OAS3: variants seen among roughly 807,000 people sequenced by gnomAD.
OAS3 encodes 2'-5'-oligoadenylate synthetase 3.
OAS3 carries 107 observed loss-of-function variants against 113.0 expected under a neutral mutation model. The observed-to-expected ratio is 0.95, with a 90% CI of 0.81 to 1.11. OAS3 has a LOEUF of 1.11. Among genes scored for constraint, OAS3 ranks in the 50% most tolerant of loss-of-function variants. The pLI, the probability that OAS3 is intolerant of heterozygous loss-of-function variation, is 0.00. For synonymous variants in OAS3, 552 were observed against 573.6 expected (o/e 0.96, Z 0.54); for missense variants, 1,258 against 1,389.1 (o/e 0.91, Z 1.50).
Position 112,971,705 on chromosome 12 carries a change from A to G in OAS3, c.*1732A>G, listed in dbSNP as rs573896401. ...GGAAGAGCCTTCCCTCATTATTGTCATTCTTGGAGAGAGGTGAGCAACCAA... is the reference window on the plus strand; with the variant it reads ...GGAAGAGCCTTCCCTCATTATTGTCGTTCTTGGAGAGAGGTGAGCAACCAA... On this transcript the variant is annotated 3_prime_UTR_variant, in exon 16 of 16. Coordinates refer to ENST00000228928, the MANE Select transcript of OAS3 (RefSeq NM_006187.4). The G allele has an allele frequency of 1.3e-5, 2 of 152,334 alleles. No homozygotes were observed. The highest frequency in any genetic ancestry group is 4.1e-4 in the South Asian group (2 of 4,832). 9.4% of individuals were successfully genotyped at this position (152,334 alleles called of 1,614,324 possible). A position where few individuals can be genotyped will look rare whatever the true frequency, so the allele number is the denominator to read the frequency against.
At chr12:112,950,627 T>C (rs753576462) in intron 6 of OAS3, 66 bp from the exon 7 acceptor site, 13 of 1,566,132 alleles carry the variant, frequency 8.3e-6, no homozygotes, top group Admixed American at 3.5e-5. Flanking sequence ...GCGCAGGTGA[T>C]GGGATCGTAG....
rs370255768 is a variant in OAS3 at position 112,938,630 on chromosome 12, G to T, written c.100G>T (p.Gly34Cys). 1.2e-6 allele frequency: 2 copies of T among 1,607,420 alleles called. No individual in the cohort carries two copies. Among genetic ancestry groups the T allele is most frequent in the East Asian group, 2.2e-5 (1 of 44,670 alleles). ...CGTAGAGAAGGCGCGGCGCGCTCTG[G>T]GCGCCCTGGCCGCTGCCCTGAGGGA... ...EFVEKARRAL[G>C]ALAAALRERG... The change falls in exon 1 of 16, where the codon GGC becomes TGC. Residue 34 changes from glycine to cysteine, a missense_variant. Coordinates refer to ENST00000228928, the MANE Select transcript of OAS3 (RefSeq NM_006187.4).
chr12:112,970,044 G>A lies in OAS3; in HGVS notation c.*71G>A. On this transcript the variant is annotated 3_prime_UTR_variant, in exon 16 of 16. Coordinates refer to ENST00000228928, the MANE Select transcript of OAS3 (RefSeq NM_006187.4). ...CCAGCCCTCAGCATGAGGAAATTCA[G>A]GGTCCCCTACCAGATGAGAGAGATT... is the stretch of plus-strand genomic sequence containing the variant. The A allele has an allele frequency of 1.9e-6, 3 of 1,555,434 alleles. No individual in the cohort carries two copies. Among genetic ancestry groups the A allele is most frequent in the Non-Finnish European group, 2.6e-6 (3 of 1,139,450 alleles).
At chr12:112,946,081 G>A (rs1205387768) in intron 3 of OAS3, among the ~76,000 whole-genome samples, 1 of 152,140 alleles carries the variant, frequency 6.6e-6, no homozygotes, top group Non-Finnish European at 1.5e-5. Context: ...GTACACATGT[G>A]CACCCACGCA....
intron 10 of OAS3, 50 bp from the exon 11 acceptor site, chr12:112,964,185 A>T (rs775586306): frequency 3.9e-6 from 6 of 1,535,130 alleles, no homozygotes; most frequent in African/African-American, 1.4e-5. Context: ...GGCTTGGGTG[A>T]GCACTGGGAG....
rs756128465 is a variant in OAS3, at chr12:112,950,704, TGGCCGG to T, written c.1390_1395del (p.Arg464_Gly465del). The T allele has an allele frequency of 5.2e-5, 84 of 1,613,904 alleles. No homozygotes were observed. The highest frequency in any genetic ancestry group is 3.1e-4 in the African/African-American group (23 of 74,946). ...TCTTCCCTCCACAGGGGGGCTCATT[TGGCCGG>T]GGCACAGACCTAAGGGATGGCTGTG... On this transcript the variant is annotated inframe_deletion, in exon 7 of 16. Coordinates refer to ENST00000228928, the MANE Select transcript of OAS3 (RefSeq NM_006187.4).
rs1414544825 is a variant in OAS3, at chr12:112,972,710, A to C, written c.*2737A>C. The stretch of plus-strand genomic sequence containing the variant: ...GCTCTTTCCAAGACTCTGGGGAAAA[A>C]AGTAGTAAAAAGCTAAATGCAATCA... On this transcript the variant is annotated 3_prime_UTR_variant, in exon 16 of 16. Coordinates refer to ENST00000228928, the MANE Select transcript of OAS3 (RefSeq NM_006187.4). The C allele has an allele frequency of 6.6e-6, 1 of 152,190 alleles. No homozygotes were observed. Among genetic ancestry groups the C allele is most frequent in the Non-Finnish European group, 1.5e-5 (1 of 68,030 alleles). The allele number at this position is 152,190 out of a possible 1,614,324, so 9.4% of individuals were successfully genotyped here.
In OAS3 at chr12:112,949,037, G is replaced by A. The variant is rs781020247; in HGVS notation, c.1206G>A (p.Pro402=). The part of the protein sequence containing the change: ...TGAASIVPSV[P]GMALDLSQIP... The stretch of plus-strand genomic sequence containing the variant: ...CAGCCAGCATCGTCCCCTCTGTGCC[G>A]GGAATGGCCTTGGACCTGTCTCAGA... The change falls in exon 6 of 16, where the codon CCG becomes CCA. Residue 402 remains proline (P), a synonymous_variant. Transcript: ENST00000228928. The A allele has an allele frequency of 3.4e-5, 55 of 1,613,878 alleles. No individual in the cohort carries two copies. Among genetic ancestry groups the A allele is most frequent in the South Asian group, 1.3e-4 (12 of 91,088 alleles).
At position 112,949,169 on chromosome 12, in the gene OAS3, T is replaced by C. The variant is rs1488779142; in HGVS notation, c.1338T>C (p.His446=). The C allele has an allele frequency of 6.2e-7, 1 of 1,613,104 alleles. No individual in the cohort carries two copies. The highest frequency in any genetic ancestry group is 1.7e-5 in the Admixed American group (1 of 59,988). ...KAIDIILRCL[H]ENCVHKASRV... ...TTGACATCATCTTGCGCTGCCTCCA[T>C]GAGAACTGTGTTCACAAGGCCTCAA... Residue 446 remains histidine, a synonymous_variant, in exon 6 of 16, where the codon CAT becomes CAC. Transcript: ENST00000228928.
chr12:112,956,043 C>T (rs1230430755), intron 7 of OAS3, among the ~76,000 whole-genome samples: 1 of 152,158 alleles, frequency 6.6e-6, no homozygotes, highest in African/African-American at 2.4e-5. Context: ...AGGGATTCAA[C>T]TTCTTCCTGG....
chr12:112,952,885 C>A (rs930429732), intron 7 of OAS3, among the ~76,000 whole-genome samples: 4 of 152,102 alleles, frequency 2.6e-5, no homozygotes, highest in African/African-American at 9.7e-5. Flanking sequence ...TTTGTTTGTT[C>A]ATTTTCTTTT....
intron 7 of OAS3, among the ~76,000 whole-genome samples, chr12:112,953,144 C>A (rs920278089): frequency 2.0e-5 from 3 of 151,592 alleles, no homozygotes; most frequent in East Asian, 3.9e-4. Flanking sequence ...CCACTCCCCC[C>A]ACCCCACGAC....
At chr12:112,964,151 T>A in intron 10 of OAS3, 84 bp from the exon 11 acceptor site, 4 of 1,375,152 alleles carry the variant, frequency 2.9e-6, no homozygotes, top group East Asian at 5.0e-5. Flanking sequence ...GGGAGTCTTG[T>A]CCTCAGAGGA....
rs2136359641 is a variant in OAS3 at position 112,964,414 on chromosome 12, T to C, written c.2403+6T>C. The stretch of plus-strand genomic sequence containing the variant: ...AAGTGATCAAGGTGGTCAAGGTGAG[T>C]CCTCAGAGAGCTGTAGGCAAGCAGT... On this transcript the variant is annotated splice_donor_region_variant and intron_variant, in intron 11 of 15. Coordinates refer to ENST00000228928, the MANE Select transcript of OAS3 (RefSeq NM_006187.4). The C allele has an allele frequency of 6.2e-7, 1 of 1,609,288 alleles. No individual in the cohort carries two copies. The highest frequency in any genetic ancestry group is 8.5e-7 in the Non-Finnish European group (1 of 1,177,848).
chr12:112,957,947 A>T (rs2136354878), intron 7 of OAS3, among the ~76,000 whole-genome samples: 1 of 152,238 alleles, frequency 6.6e-6, no homozygotes, highest in East Asian at 1.9e-4. Context: ...ACTTGGTTCC[A>T]TTCTCCCTGT....
Position 112,963,834 on chromosome 12 carries a change from A to G in OAS3, c.2229+377A>G, listed in dbSNP as rs1248873766. Among the ~76,000 whole-genome samples, 1 of 152,074 alleles carries G rather than the reference A, an allele frequency of 6.6e-6. No homozygotes were observed. ...CACTTCTCCTCCAAGCACTGCCCCA[A>G]TTAATCATATGCACAAGAATTCCTG... is the stretch of plus-strand genomic sequence containing the variant. On this transcript the variant is annotated intron_variant, in intron 10 of 15. Coordinates refer to ENST00000228928, the MANE Select transcript of OAS3 (RefSeq NM_006187.4). This position sits in a 1 kb window ranked among gnomAD's most constrained non-coding sequence, Gnocchi z 4.6.
intron 8 of OAS3, among the ~76,000 whole-genome samples, chr12:112,961,771 G>C (rs1158346204): frequency 2.6e-5 from 4 of 151,828 alleles, no homozygotes; most frequent in Admixed American, 2.6e-4. Context: ...AGGCTTTTGG[G>C]TTACATCAGC....
intron 8 of OAS3, among the ~76,000 whole-genome samples, chr12:112,961,553 C>T (rs776365009): frequency 4.6e-4 from 70 of 152,134 alleles, no homozygotes; most frequent in Non-Finnish European, 8.8e-4. Flanking sequence ...CAAGCCGTTG[C>T]TTATGATATT....
At chr12:112,946,665 C>T in intron 3 of OAS3, 78 bp from the exon 4 acceptor site, 6 of 1,305,636 alleles carry the variant, frequency 4.6e-6, no homozygotes. Flanking sequence ...TGGAAGGTCC[C>T]CAGTCTGGTT....
Sources: allele counts gnomAD v4.1 joint callset (sites outside exome capture counted in the v4.1 genomes callset), GRCh38; gene constraint gnomAD v4.1.1; non-coding constraint Gnocchi (gnomAD v3.1); transcripts MANE v1.5; gene names NCBI Gene and HGNC (gene_info 2026-07-23, HGNC 2026-07-21).